NTF3: variants seen among roughly 807,000 people sequenced by gnomAD.
NTF3 encodes the protein neurotrophin 3.
Under a neutral mutation model 26.3 loss-of-function variants are expected in NTF3, and 8 were observed. The ratio of observed to expected loss-of-function variants is 0.30; its 90% confidence interval spans 0.18 to 0.55. The LOEUF (loss-of-function observed/expected upper bound fraction) is 0.55, where lower values mean the gene tolerates loss of function less well. Ranked by LOEUF, NTF3 falls within the 20% of genes least tolerant of loss-of-function variation. The pLI is 0.93. For missense variants in NTF3, 276 were observed against 352.9 expected (o/e 0.78, Z 1.75); for synonymous variants, 154 against 145.5 (o/e 1.06, Z -0.42).
At chr12:5,438,085 T>C (rs1487972777) in intron 1 of NTF3, among the ~76,000 whole-genome samples, 1 of 152,026 alleles carries the variant, frequency 6.6e-6, no homozygotes, top group Non-Finnish European at 1.5e-5. Flanking sequence ...ATGTTGAACC[T>C]TGAAGTATGA....
In NTF3 at chr12:5,494,769, C is replaced by G. The variant is rs10849277; in HGVS notation, c.594C>G (p.Pro198=). 16 of 1,613,986 alleles carry G rather than the reference C, an allele frequency of 9.9e-6. No homozygotes were observed. The East Asian group carries it at 3.6e-4, about 36-fold the overall frequency. Residue 198 remains proline (P), a synonymous_variant, in exon 2 of 2, where the codon CCC becomes CCG. Coordinates refer to ENST00000423158, the MANE Select transcript of NTF3 (RefSeq NM_001102654.2). The surrounding 1 kb of genome is among the most constrained non-coding windows in gnomAD (Gnocchi z 8.3). ...VLGEIKTGNS[P]VKQYFYETRC... is the part of the protein sequence containing the mutation. ...GGGAGATCAAAACGGGCAACTCTCC[C>G]GTCAAACAATATTTTTATGAAACGC...
chr12:5,439,353 C>G (rs1306131855), intron 1 of NTF3, among the ~76,000 whole-genome samples: 1 of 152,220 alleles, frequency 6.6e-6, no homozygotes, highest in Non-Finnish European at 1.5e-5. Flanking sequence ...ATGTTCTTGG[C>G]TTTCCAGCCT....
intron 1 of NTF3, among the ~76,000 whole-genome samples, chr12:5,483,767 C>G (rs1414235736): frequency 6.6e-6 from 1 of 152,086 alleles, no homozygotes; most frequent in East Asian, 1.9e-4. Flanking sequence ...GAACACAGGT[C>G]TTGAGGATGT....
chr12:5,445,826 C>T (rs1940298870), intron 1 of NTF3, among the ~76,000 whole-genome samples: 1 of 152,202 alleles, frequency 6.6e-6, no homozygotes, highest in South Asian at 2.1e-4. Flanking sequence ...TTGCTGAGAA[C>T]TCCTCACTTA....
upstream of NTF3, among the ~76,000 whole-genome samples, chr12:5,430,379 G>T (rs1940069922): frequency 1.3e-5 from 2 of 152,000 alleles, no homozygotes; most frequent in Admixed American, 6.6e-5. Flanking sequence ...GGAACGACTC[G>T]GCAGCCTCTT....
intron 1 of NTF3, among the ~76,000 whole-genome samples, chr12:5,488,625 T>C (rs1054328772): frequency 6.6e-5 from 10 of 152,222 alleles, no homozygotes; most frequent in Non-Finnish European, 1.5e-4. Context: ...ATATATGGCC[T>C]TAGTTTAATA....
intron 1 of NTF3, among the ~76,000 whole-genome samples, chr12:5,474,568 A>G (rs1453351400): frequency 6.6e-6 from 1 of 152,198 alleles, no homozygotes; most frequent in Non-Finnish European, 1.5e-5. Flanking sequence ...GAGCCAGACG[A>G]TGAAGGGCAG....
intron 1 of NTF3, among the ~76,000 whole-genome samples, chr12:5,435,057 AG>A: frequency 6.6e-6 from 1 of 152,170 alleles, no homozygotes; most frequent in Non-Finnish European, 1.5e-5. Context: ...GAGGAGGCTT[AG>A]AATGAGGGAT....
chr12:5,470,386 G>C (rs1210764656), intron 1 of NTF3, among the ~76,000 whole-genome samples: 1 of 152,210 alleles, frequency 6.6e-6, no homozygotes, highest in African/African-American at 2.4e-5. Context: ...AGGAGGGAGT[G>C]TCTAGAACAT....
chr12:5,430,984 AT>A (rs1565567685), upstream of NTF3, among the ~76,000 whole-genome samples: 1 of 151,958 alleles, frequency 6.6e-6, no homozygotes, highest in African/African-American at 2.4e-5. Context: ...ACTAAGTGGT[AT>A]TTTTCCCCCT....
rs111392269 is a variant in NTF3 at position 5,457,997 on chromosome 12, A to G, written c.18+25655A>G. 3.4e-3 allele frequency among the ~76,000 whole-genome samples: 513 copies of G among 152,258 alleles called. 8 individuals carry two copies. Among genetic ancestry groups the G allele is most frequent in the Non-Finnish European group, 2.9e-3 (200 of 68,028 alleles). On this transcript the variant is annotated intron_variant, in intron 1 of 1. Transcript: ENST00000423158. ...CCACCATTGTCTCTTGCCATCCTCC[A>G]TACTTTGCAAAGTTAATTGGGTCAT...
intron 1 of NTF3, among the ~76,000 whole-genome samples, chr12:5,490,300 A>T (rs1222125060): frequency 6.6e-6 from 1 of 152,216 alleles, no homozygotes; most frequent in Non-Finnish European, 1.5e-5. Context: ...TTCAGTAAAT[A>T]GACGTCGAAA....
At chr12:5,443,276 C>G (rs1017934132) in intron 1 of NTF3, among the ~76,000 whole-genome samples, 1 of 152,124 alleles carries the variant, frequency 6.6e-6, no homozygotes, top group South Asian at 2.1e-4. Context: ...CCCCCATCCC[C>G]GACCCTGCAT....
chr12:5,442,748 A>G (rs1241274233), intron 1 of NTF3, among the ~76,000 whole-genome samples: 4 of 152,214 alleles, frequency 2.6e-5, no homozygotes, highest in Non-Finnish European at 5.9e-5. Context: ...TTCAAAAAAC[A>G]TAGCACATCT....
At chr12:5,452,649 C>T (rs1940389984) in intron 1 of NTF3, among the ~76,000 whole-genome samples, 1 of 152,076 alleles carries the variant, frequency 6.6e-6, no homozygotes, top group African/African-American at 2.4e-5. Flanking sequence ...TCTTGAAAGC[C>T]CTGACAGCTC....
intron 1 of NTF3, among the ~76,000 whole-genome samples, chr12:5,448,417 T>C (rs1164113339): frequency 6.6e-6 from 1 of 152,156 alleles, no homozygotes; most frequent in Non-Finnish European, 1.5e-5. Flanking sequence ...TTGTCTTCTG[T>C]GACAGATTCT....
At chr12:5,439,285 A>G (rs531511599) in intron 1 of NTF3, among the ~76,000 whole-genome samples, 92 of 152,356 alleles carry the variant, frequency 6.0e-4, no homozygotes, top group African/African-American at 2.1e-3. Flanking sequence ...TCAGTACTCA[A>G]AATAATCTCA....
At chr12:5,487,107 G>A (rs1323643457) in intron 1 of NTF3, among the ~76,000 whole-genome samples, 1 of 152,204 alleles carries the variant, frequency 6.6e-6, no homozygotes, top group African/African-American at 2.4e-5. Context: ...ATATGCAAAG[G>A]ATAAAGTAAA....
chr12:5,481,258 G>C (rs182404125), intron 1 of NTF3, among the ~76,000 whole-genome samples: 252 of 152,140 alleles, frequency 1.7e-3, no homozygotes, highest in African/African-American at 5.8e-3. Flanking sequence ...ACTCACAGTG[G>C]CCAAAGGGGA....
Sources: allele counts gnomAD v4.1 joint callset (sites outside exome capture counted in the v4.1 genomes callset), GRCh38; gene constraint gnomAD v4.1.1; non-coding constraint Gnocchi (gnomAD v3.1); transcripts MANE v1.5; gene names NCBI Gene and HGNC (gene_info 2026-07-23, HGNC 2026-07-21).